Variants in BRINP2 observed in about 807,000 individuals in gnomAD.
BRINP2 encodes BMP/retinoic acid inducible neural specific 2.
BRINP2 carries 21 observed loss-of-function variants against 69.2 expected under a neutral mutation model. The observed-to-expected ratio is 0.30, with a 90% confidence interval of 0.22 to 0.44. The LOEUF (loss-of-function observed/expected upper bound fraction) is 0.44, where lower values mean the gene tolerates loss of function less well. Among genes scored for constraint, BRINP2 ranks in the 20% least tolerant of loss-of-function variants. The pLI is 1.00. For missense variants in BRINP2, 877 were observed against 986.0 expected (o/e 0.89, Z 1.48); for synonymous variants, 380 against 394.1 (o/e 0.96, Z 0.42).
At chr1:177,246,337 AC>A (rs1432117786) in intron 2 of BRINP2, among the ~76,000 whole-genome samples, 1 of 152,210 alleles carries the variant, frequency 6.6e-6, no homozygotes, top group East Asian at 1.9e-4. Context: ...TTCTAGTCAA[AC>A]TCTACCACTA....
chr1:177,241,173 G>A (rs1036031355), intron 2 of BRINP2, among the ~76,000 whole-genome samples: 6 of 152,032 alleles, frequency 3.9e-5, no homozygotes, highest in East Asian at 1.9e-4. Flanking sequence ...GGGTTTCACC[G>A]TGTTAGCCAG....
chr1:177,203,492 T>C (rs555849781), intron 1 of BRINP2, among the ~76,000 whole-genome samples: 291 of 149,496 alleles, frequency 1.9e-3, no homozygotes, highest in Non-Finnish European at 2.7e-3. Context: ...GATAAAAAAA[T>C]AAAAAAAGAA....
chr1:177,258,199 A>G (rs1384965038), intron 4 of BRINP2, among the ~76,000 whole-genome samples: 1 of 152,200 alleles, frequency 6.6e-6, no homozygotes, highest in Non-Finnish European at 1.5e-5. Context: ...AGTAAAGTTC[A>G]TGTTGTTTTA....
intron 1 of BRINP2, among the ~76,000 whole-genome samples, chr1:177,221,650 C>T (rs1310485887): frequency 6.6e-6 from 1 of 152,146 alleles, no homozygotes; most frequent in Non-Finnish European, 1.5e-5. Flanking sequence ...TCTTTCCTCC[C>T]TTCCCTATTT....
At chr1:177,188,526 G>A (rs1423469860) in intron 1 of BRINP2, among the ~76,000 whole-genome samples, 1 of 152,222 alleles carries the variant, frequency 6.6e-6, no homozygotes, top group African/African-American at 2.4e-5. Context: ...AGACCTCAAG[G>A]AAGAGGTGAC....
chr1:177,243,202 G>A (rs1310062124), intron 2 of BRINP2, among the ~76,000 whole-genome samples: 2 of 152,060 alleles, frequency 1.3e-5, no homozygotes, highest in African/African-American at 2.4e-5. Flanking sequence ...AAAGAAGAAA[G>A]AATAGGTAGT....
chr1:177,270,292 T>TC (rs1314763693), intron 4 of BRINP2, among the ~76,000 whole-genome samples: 1 of 152,192 alleles, frequency 6.6e-6, no homozygotes, highest in Non-Finnish European at 1.5e-5. Context: ...TGTGGGTTTT[T>TC]CACTCTAACA....
intron 1 of BRINP2, among the ~76,000 whole-genome samples, chr1:177,201,319 T>C (rs1022348843): frequency 1.3e-4 from 20 of 152,252 alleles, no homozygotes; most frequent in African/African-American, 4.8e-4. Flanking sequence ...TCTCTTTTAA[T>C]TGGCTTGGAC....
chr1:177,188,678 C>T (rs1284207902), intron 1 of BRINP2, among the ~76,000 whole-genome samples: 1 of 152,150 alleles, frequency 6.6e-6, no homozygotes, highest in Admixed American at 6.5e-5. Flanking sequence ...TCTTATATTA[C>T]TTCAGCTTCT....
intron 4 of BRINP2, among the ~76,000 whole-genome samples, chr1:177,268,144 C>T (rs374733683): frequency 9.9e-5 from 15 of 152,210 alleles, no homozygotes; most frequent in African/African-American, 3.6e-4. Flanking sequence ...TGGCATCCCA[C>T]CCCACAGTTC....
intron 5 of BRINP2, among the ~76,000 whole-genome samples, chr1:177,274,046 GACCACT>G (rs1651418366): frequency 6.6e-6 from 1 of 152,170 alleles, no homozygotes; most frequent in South Asian, 2.1e-4. Context: ...CAAAGTGGGG[GACCACT>G]ACTTACTGGA....
At chr1:177,275,937 T>C (rs1424963214) in intron 5 of BRINP2, among the ~76,000 whole-genome samples, 1 of 152,222 alleles carries the variant, frequency 6.6e-6, no homozygotes, top group Non-Finnish European at 1.5e-5. Context: ...CGCTCTCAAT[T>C]TGGCTGATCT....
intron 4 of BRINP2, among the ~76,000 whole-genome samples, chr1:177,257,695 A>G (rs2102348031): frequency 6.6e-6 from 1 of 152,328 alleles, no homozygotes; most frequent in Admixed American, 6.5e-5. Flanking sequence ...CTAATGATAA[A>G]TAAAGACAAG....
rs752779460 is a variant in BRINP2 at position 177,221,252 on chromosome 1, C to T, written c.-76-8549C>T. On this transcript the variant is annotated intron_variant, in intron 1 of 7. Transcript: ENST00000361539. ...ACAGGGGTTTGTGCATAGTAAATAACGCATGGAAAGTGTTTAGATTGATGT... is the reference window on the plus strand; with the variant it reads ...ACAGGGGTTTGTGCATAGTAAATAATGCATGGAAAGTGTTTAGATTGATGT... 1.5e-4 allele frequency among the ~76,000 whole-genome samples: 23 copies of T among 152,152 alleles called. No individual in the cohort carries two copies. In the East Asian group the frequency reaches 1.7e-3, roughly 12 times the overall value.
chr1:177,250,471 C>T (rs974316229), intron 2 of BRINP2, among the ~76,000 whole-genome samples: 3 of 152,186 alleles, frequency 2.0e-5, no homozygotes, highest in Admixed American at 2.0e-4. Context: ...GGATTACAGG[C>T]ACCTGCCATT....
intron 4 of BRINP2, among the ~76,000 whole-genome samples, chr1:177,271,678 C>G (rs1651332738): frequency 6.6e-6 from 1 of 152,176 alleles, no homozygotes. Flanking sequence ...TGTCCCTGCC[C>G]CTGGCGTGGC....
At chr1:177,275,264 G>A in intron 5 of BRINP2, 1 of 456,222 alleles carries the variant, frequency 2.2e-6, no homozygotes, top group South Asian at 1.5e-5. Context: ...AGTTACTGCA[G>A]TTGGGTGAGA....
At chr1:177,212,823 T>C (rs1649266783) in intron 1 of BRINP2, among the ~76,000 whole-genome samples, 1 of 152,214 alleles carries the variant, frequency 6.6e-6, no homozygotes, top group African/African-American at 2.4e-5. Context: ...CACAGTTCTA[T>C]AATCATCCAT....
At chr1:177,175,295 G>GA (rs1028781796) in intron 1 of BRINP2, among the ~76,000 whole-genome samples, 3 of 151,770 alleles carry the variant, frequency 2.0e-5, no homozygotes, top group African/African-American at 4.9e-5. Context: ...CGGGGTGGGG[G>GA]GGGCAGGATG....
Sources: allele counts gnomAD v4.1 joint callset (sites outside exome capture counted in the v4.1 genomes callset), GRCh38; gene constraint gnomAD v4.1.1; transcripts MANE v1.5; gene names NCBI Gene and HGNC (gene_info 2026-07-23, HGNC 2026-07-21).